SLC14A2: variants seen among roughly 807,000 people sequenced by gnomAD.
SLC14A2 encodes urea transporter 2.
Under a neutral mutation model 104.6 loss-of-function variants are expected in SLC14A2, and 91 were observed. The ratio of observed to expected loss-of-function variants is 0.87; its 90% CI spans 0.73 to 1.04. The LOEUF (loss-of-function observed/expected upper bound fraction) is 1.04. SLC14A2 is among the 50% of genes least tolerant of loss of function. The pLI is 0.00. For synonymous variants in SLC14A2, 476 were observed against 466.4 expected (o/e 1.02, Z -0.27); for missense variants, 1,189 against 1,156.0 (o/e 1.03, Z -0.41).
At chr18:45,313,379 G>C (rs2085098229) in intron 1 of SLC14A2, among the ~76,000 whole-genome samples, 1 of 152,160 alleles carries the variant, frequency 6.6e-6, no homozygotes, top group Non-Finnish European at 1.5e-5. Flanking sequence ...CCCAAGAGAA[G>C]TCATTTGCTC....
At chr18:45,655,844 A>G (rs2045826831) in intron 10 of SLC14A2, among the ~76,000 whole-genome samples, 1 of 152,176 alleles carries the variant, frequency 6.6e-6, no homozygotes, top group African/African-American at 2.4e-5. Flanking sequence ...TTAATTTAAA[A>G]AGTTGCAAAT....
rs555059157 is a variant in SLC14A2, at chr18:45,426,337, C to T, written c.-124-56896C>T. Reference sequence around the variant, plus strand: ...CAAAGCGTGTAATCATCTAACTTATCGAGTGCGTAATCGTGATTTTTCAAC... The same window carrying T: ...CAAAGCGTGTAATCATCTAACTTATTGAGTGCGTAATCGTGATTTTTCAAC... On this transcript the variant is annotated intron_variant, in intron 1 of 20. Coordinates refer to the SLC14A2 transcript ENST00000586448. Among the ~76,000 whole-genome samples the T allele has an allele frequency of 6.6e-5, 10 of 152,134 alleles. No homozygotes were observed. The South Asian group carries it at 1.7e-3, about 25-fold the overall frequency.
chr18:45,593,208 T>G (rs2044675110), intron 2 of SLC14A2, among the ~76,000 whole-genome samples: 1 of 151,688 alleles, frequency 6.6e-6, no homozygotes, highest in Non-Finnish European at 1.5e-5. Context: ...TCCCAGCTAC[T>G]CGGGAGGCTG....
At chr18:45,189,668 T>C in the SLC14A2 span, among the ~76,000 whole-genome samples, 228 of 152,308 alleles carry the variant, frequency 1.5e-3, 1 homozygote, top group Middle Eastern at 6.8e-3. Context: ...TAATCGTGTA[T>C]GTTTCACGTA....
At chr18:45,172,311 T>C in the SLC14A2 span, among the ~76,000 whole-genome samples, 5 of 152,120 alleles carry the variant, frequency 3.3e-5, no homozygotes. Flanking sequence ...CTAGGTGTGA[T>C]AAAATTTATA....
intron 1 of SLC14A2, among the ~76,000 whole-genome samples, chr18:45,477,279 C>T (rs1364123828): frequency 6.6e-6 from 1 of 152,210 alleles, no homozygotes; most frequent in Non-Finnish European, 1.5e-5. Flanking sequence ...AGGTCCACTC[C>T]AGACCTTGTT....
rs532169038 is a variant in SLC14A2 at position 45,634,104 on chromosome 18, A to C, written c.650+1626A>C. Among the ~76,000 whole-genome samples, 29 of 152,236 alleles carry C rather than the reference A, an allele frequency of 1.9e-4. No individual in the cohort carries two copies. In the East Asian group the frequency reaches 5.4e-3, roughly 28 times the overall value. On this transcript the variant is annotated intron_variant, in intron 5 of 19. Coordinates refer to ENST00000255226, the MANE Select transcript of SLC14A2 (RefSeq NM_007163.4). Reference sequence around the variant, plus strand: ...ACTTCCCAATTTAAAGGACAAAAAAACACTGAGCACCCCACCCTGGGCTCT... The same window carrying C: ...ACTTCCCAATTTAAAGGACAAAAAACCACTGAGCACCCCACCCTGGGCTCT...
At chr18:45,202,245 AAAGGACAGCATG>A in the SLC14A2 span, among the ~76,000 whole-genome samples, 1 of 152,156 alleles carries the variant, frequency 6.6e-6, no homozygotes, top group Admixed American at 6.5e-5. Flanking sequence ...GCAAAAGCCC[AAAGGACAGCATG>A]CTGAGCCTTT....
the SLC14A2 span, among the ~76,000 whole-genome samples, chr18:45,177,100 C>T: frequency 6.6e-6 from 1 of 152,136 alleles, no homozygotes; most frequent in Non-Finnish European, 1.5e-5. Flanking sequence ...GCATGCTTGA[C>T]TCCTCACTCT....
chr18:45,247,244 G>A (rs140642668), intron 1 of SLC14A2, among the ~76,000 whole-genome samples: 16 of 152,134 alleles, frequency 1.1e-4, no homozygotes, highest in African/African-American at 3.1e-4. Flanking sequence ...CAAACTCCCC[G>A]GTACAGTCAA....
chr18:45,216,711 CA>C (rs1332282331), intron 1 of SLC14A2, among the ~76,000 whole-genome samples: 2 of 149,514 alleles, frequency 1.3e-5, no homozygotes, highest in Admixed American at 1.3e-4. Context: ...CCATCTTGGA[CA>C]TAGGGGGGCC....
chr18:45,363,427 C>T (rs2085634945), intron 1 of SLC14A2, among the ~76,000 whole-genome samples: 2 of 152,236 alleles, frequency 1.3e-5, no homozygotes, highest in South Asian at 2.1e-4. Context: ...ATCAGCACCT[C>T]GCATGAACTT....
Position 45,639,849 on chromosome 18 carries a change from T to A in SLC14A2, c.947T>A (p.Ile316Asn). The A allele has an allele frequency of 6.2e-7, 1 of 1,613,836 alleles. No homozygotes were observed. Residue 316 changes from isoleucine (I) to asparagine (N), a missense_variant, in exon 7 of 20, where the codon ATC becomes AAC. Ile to Asn is a moderately radical substitution (Grantham distance 149). Transcript: ENST00000255226. ...GCTCTGTTCATCTCCTCGCCACTCATCTGCTTGCATGCAGCCATTGGCTCA... is the reference window on the plus strand; with the variant it reads ...GCTCTGTTCATCTCCTCGCCACTCAACTGCTTGCATGCAGCCATTGGCTCA... ...LVALFISSPL[I>N]CLHAAIGSIV...
At chr18:45,523,317 T>A (rs546835307) in intron 2 of SLC14A2, among the ~76,000 whole-genome samples, 1 of 147,290 alleles carries the variant, frequency 6.8e-6, no homozygotes, top group Non-Finnish European at 1.5e-5. Flanking sequence ...CATCACCAGG[T>A]TTTTTTTTTG....
chr18:45,682,484 A>T lies in SLC14A2; in HGVS notation c.2728A>T (p.Ile910Phe), dbSNP rs2046325386. The change falls in exon 20 of 20, where the codon ATC becomes TTC. Residue 910 changes from isoleucine (I) to phenylalanine (F), a missense_variant. By Grantham distance (21) the Ile-to-Phe change is conservative. Coordinates refer to ENST00000255226, the MANE Select transcript of SLC14A2 (RefSeq NM_007163.4). ...LSQERNRRAS[I>F]ITKYQAYDVS ...CCAGGAGAGAAACAGAAGGGCATCA[A>T]TCATAACAAAGTATCAGGCCTACGA... 1.9e-6 allele frequency: 3 copies of T among 1,614,178 alleles called. No individual in the cohort carries two copies. In the African/African-American group the frequency reaches 4.0e-5, roughly 22 times the overall value.
At chr18:45,434,011 C>T (rs16978365) in intron 1 of SLC14A2, among the ~76,000 whole-genome samples, 24,734 of 152,024 alleles carry the variant, frequency 0.16, 2,861 homozygotes, top group African/African-American at 0.3. Context: ...GCAGATAGTC[C>T]TTTACACCTA....
At chr18:45,483,822 C>T (rs1485479689) in intron 2 of SLC14A2, among the ~76,000 whole-genome samples, 1 of 152,112 alleles carries the variant, frequency 6.6e-6, no homozygotes, top group Non-Finnish European at 1.5e-5. Context: ...TACTGTTTTG[C>T]CAGGCATCGA....
chr18:45,402,573 G>A (rs943453858), intron 1 of SLC14A2, among the ~76,000 whole-genome samples: 2 of 152,180 alleles, frequency 1.3e-5, no homozygotes, highest in Non-Finnish European at 1.5e-5. Flanking sequence ...AGTAGATCTT[G>A]TCAACATTGA....
intron 1 of SLC14A2, among the ~76,000 whole-genome samples, chr18:45,336,408 A>C (rs927718910): frequency 7.9e-5 from 12 of 151,982 alleles, no homozygotes; most frequent in Non-Finnish European, 1.3e-4. Flanking sequence ...ATAATTCTGC[A>C]CTGGGCAGGA....
Sources: gnomAD v4.1 joint callset for allele counts (sites outside exome capture counted in the v4.1 genomes callset) on GRCh38, gnomAD v4.1.1 for gene constraint, MANE v1.5 for transcripts, NCBI Gene and HGNC (gene_info 2026-07-23, HGNC 2026-07-21) for gene names.